FAM135B: variants seen among roughly 807,000 people sequenced by gnomAD.
FAM135B encodes family with sequence similarity 135 member B.
Under a neutral mutation model 127.7 loss-of-function variants are expected in FAM135B, and 43 were observed. The ratio of observed to expected loss-of-function variants is 0.34; its 90% CI spans 0.26 to 0.43. The LOEUF (loss-of-function observed/expected upper bound fraction) is 0.43. FAM135B is among the 20% of genes least tolerant of loss of function. FAM135B has a pLI of 1.00. For missense variants in FAM135B, 1,558 were observed against 1,725.6 expected, an observed-to-expected ratio of 0.90 and a Z score of 1.72; for synonymous variants, 670 against 665.1, an observed-to-expected ratio of 1.01 and a Z score of -0.11.
chr8:138,380,191 CT>C (rs1191352521), intron 1 of FAM135B, among the ~76,000 whole-genome samples: 5 of 151,192 alleles, frequency 3.3e-5, no homozygotes, highest in Non-Finnish European at 5.9e-5. Context: ...CTTTTCTTTT[CT>C]TTTCTTTCTT....
chr8:138,440,454 A>T (rs953924752), intron 1 of FAM135B: 1 of 152,022 alleles, frequency 6.6e-6, no homozygotes, highest in Non-Finnish European at 1.5e-5. Flanking sequence ...AATACATACA[A>T]AAGTCCAAAA....
intron 12 of FAM135B, 141 bp downstream of exon 12, chr8:138,167,754 A>G: frequency 1.0e-6 from 1 of 977,006 alleles, no homozygotes; most frequent in Non-Finnish European, 1.5e-6. Flanking sequence ...TCAAACCATT[A>G]CTTTGTTTCC....
At chr8:138,291,130 A>G (rs888203880) in intron 3 of FAM135B, among the ~76,000 whole-genome samples, 1 of 152,214 alleles carries the variant, frequency 6.6e-6, no homozygotes, top group East Asian at 1.9e-4. Context: ...CACCACATGC[A>G]GAGCTAGCTG....
intron 1 of FAM135B, among the ~76,000 whole-genome samples, chr8:138,404,989 T>C (rs1469875706): frequency 6.6e-6 from 1 of 152,166 alleles, no homozygotes; most frequent in Non-Finnish European, 1.5e-5. Context: ...CAGAAAGTTT[T>C]CAATTTACTT....
At chr8:138,171,544 T>C (rs931655344) in intron 11 of FAM135B, among the ~76,000 whole-genome samples, 1 of 152,214 alleles carries the variant, frequency 6.6e-6, no homozygotes, top group Non-Finnish European at 1.5e-5. Context: ...CCTTAGACAA[T>C]GCCTCCCATA....
At position 138,242,086 on chromosome 8, in the gene FAM135B, T is replaced by C. The variant is rs1257815585; in HGVS notation, c.669+856A>G. On this transcript the variant is annotated intron_variant, in intron 7 of 19. Transcript: ENST00000395297. The surrounding 1 kb of genome is among the most constrained non-coding windows in gnomAD (Gnocchi z 9.6). ...GAATGATACCACCTGCACTCTTGGG[T>C]CTCCAGCTTGCTGACTGAAGATTTG... Among the ~76,000 whole-genome samples the C allele has an allele frequency of 6.6e-6, 1 of 151,880 alleles. No individual in the cohort carries two copies. Among genetic ancestry groups the C allele is most frequent in the Non-Finnish European group, 1.5e-5 (1 of 68,000 alleles).
intron 4 of FAM135B, among the ~76,000 whole-genome samples, chr8:138,264,220 G>A (rs1281681510): frequency 6.6e-6 from 1 of 152,176 alleles, no homozygotes; most frequent in Non-Finnish European, 1.5e-5. Context: ...CCGCAGTTGG[G>A]TCTCAGTTCT....
At chr8:138,442,267 T>TATATATATATATAC (rs34280434) in intron 1 of FAM135B, among the ~76,000 whole-genome samples, 6,052 of 86,488 alleles carry the variant, frequency 0.07, 673 homozygotes, top group Non-Finnish European at 0.1. Context: ...TATATATATA[T>TATATATATATATAC]ATATATATAT....
chr8:138,225,359 C>A (rs1232229165), intron 7 of FAM135B, among the ~76,000 whole-genome samples: 3 of 151,856 alleles, frequency 2.0e-5, no homozygotes, highest in African/African-American at 4.8e-5. Context: ...AGGAAGAGAG[C>A]CCTCACCAGA....
At chr8:138,315,128 T>C (rs971727303) in intron 2 of FAM135B, among the ~76,000 whole-genome samples, 3 of 152,004 alleles carry the variant, frequency 2.0e-5, no homozygotes, top group Non-Finnish European at 4.4e-5. Context: ...GTAATAATAA[T>C]AATAATAATC....
At chr8:138,213,093 G>A (rs1404883931) in intron 7 of FAM135B, among the ~76,000 whole-genome samples, 1 of 152,154 alleles carries the variant, frequency 6.6e-6, no homozygotes, top group Non-Finnish European at 1.5e-5. Context: ...CTTAGATTCA[G>A]ATACTGGCTT....
At chr8:138,388,188 CAAT>C (rs780561870) in intron 1 of FAM135B, among the ~76,000 whole-genome samples, 23 of 152,114 alleles carry the variant, frequency 1.5e-4, no homozygotes, top group South Asian at 4.1e-4. Context: ...AAGAAAACAA[CAAT>C]GAGACCCCAC....
intron 1 of FAM135B, among the ~76,000 whole-genome samples, chr8:138,471,105 T>C (rs1837650424): frequency 6.6e-6 from 1 of 152,180 alleles, no homozygotes; most frequent in Admixed American, 6.5e-5. Context: ...GTGGGATTCC[T>C]AGAGAAAGGT....
intron 1 of FAM135B, among the ~76,000 whole-genome samples, chr8:138,487,570 CATG>C (rs1815027937): frequency 6.9e-6 from 1 of 144,416 alleles, no homozygotes; most frequent in African/African-American, 2.6e-5. Flanking sequence ...TTCACAGCAG[CATG>C]GTGGGTGGGA....
chr8:138,491,202 A>G (rs570055437), intron 1 of FAM135B, among the ~76,000 whole-genome samples: 2 of 152,140 alleles, frequency 1.3e-5, no homozygotes, highest in South Asian at 2.1e-4. Context: ...TATTTCCTAT[A>G]TCACAAAGCC....
At chr8:138,460,264 A>C (rs1466467116) in intron 1 of FAM135B, among the ~76,000 whole-genome samples, 1 of 152,200 alleles carries the variant, frequency 6.6e-6, no homozygotes, top group Non-Finnish European at 1.5e-5. Context: ...ATGGCTAGTA[A>C]GCAGTGCAGC....
intron 1 of FAM135B, among the ~76,000 whole-genome samples, chr8:138,453,076 T>C (rs1364790052): frequency 6.6e-6 from 1 of 152,112 alleles, no homozygotes; most frequent in Admixed American, 6.5e-5. Context: ...GTGGGGATCA[T>C]GGAGGGGCAT....
chr8:138,152,799 C>T lies in FAM135B; in HGVS notation c.1676G>A (p.Ser559Asn), dbSNP rs372228047. ...PVLTYIDVKS[S>N]NKNPSRAEPL... ...TTCAGCTCTGGAGGGGTTCTTATTGCTAGATTTTACGTCAATGTAGGTCAG... is the reference window on the plus strand; with the variant it reads ...TTCAGCTCTGGAGGGGTTCTTATTGTTAGATTTTACGTCAATGTAGGTCAG... The change falls in exon 13 of 20, where the codon AGC (serine) becomes AAC (asparagine). Residue 559 changes from serine to asparagine, a missense_variant. Physicochemically the swap from Ser to Asn is conservative, Grantham distance 46. This residue lies in a region of FAM135B where 923 missense variants were observed against 865.3 expected (regional missense o/e 1.07). Transcript: ENST00000395297. The T allele has an allele frequency of 5.0e-6, 8 of 1,614,024 alleles. No homozygotes were observed. Among genetic ancestry groups the T allele is most frequent in the East Asian group, 2.2e-5 (1 of 44,884 alleles).
At chr8:138,182,121 C>T (rs1198232354) in intron 9 of FAM135B, among the ~76,000 whole-genome samples, 3 of 152,164 alleles carry the variant, frequency 2.0e-5, no homozygotes, top group South Asian at 2.1e-4. Context: ...AAACACAGCA[C>T]GAATCCTGAG....
Sources: allele counts gnomAD v4.1 joint callset (sites outside exome capture counted in the v4.1 genomes callset), GRCh38; gene constraint gnomAD v4.1.1; regional missense constraint gnomAD v4.1.1; non-coding constraint Gnocchi (gnomAD v3.1); transcripts MANE v1.5; gene names NCBI Gene and HGNC (gene_info 2026-07-23, HGNC 2026-07-21).